Variants in SETDB1 observed in about 807,000 individuals in gnomAD.
SETDB1 encodes the protein histone-lysine N-methyltransferase SETDB1.
SETDB1 carries 31 observed loss-of-function variants against 137.4 expected under a neutral mutation model. The ratio of observed to expected loss-of-function variants is 0.23; its 90% confidence interval spans 0.17 to 0.30. The LOEUF (loss-of-function observed/expected upper bound fraction) is 0.30. Ranked by LOEUF, SETDB1 falls within the 10% of genes least tolerant of loss-of-function variation. The pLI, the probability that SETDB1 is intolerant of heterozygous loss-of-function variation, is 1.00. For synonymous variants in SETDB1, 548 were observed against 579.9 expected (o/e 0.95, Z 0.79); for missense variants, 1,113 against 1,631.5 (o/e 0.68, Z 5.47).
At position 150,962,811 on chromosome 1, in the gene SETDB1, TCTC is replaced by T. The variant is rs368961642; in HGVS notation, c.3294+95_3294+97del. 2.8e-5 allele frequency: 42 copies of T among 1,482,348 alleles called. No homozygotes were observed. The African/African-American group carries it at 3.2e-4, about 11-fold the overall frequency. 91.8% of individuals were successfully genotyped at this position (1,482,348 alleles called of 1,614,324 possible). On this transcript the variant is annotated intron_variant, in intron 18 of 21. Transcript: ENST00000692827. ...CTTCACTATAATTACTGTTAGGTCT[TCTC>T]CTACTTCTTTAGCCTTGACTTCCTG...
chr1:150,960,481 A>G (rs1670785782), intron 15 of SETDB1, 82 bp from the exon 16 acceptor site: 4 of 1,143,316 alleles, frequency 3.5e-6, no homozygotes, highest in South Asian at 1.6e-5. Context: ...CATCTGGAAA[A>G]AAAAAAAAAA....
Position 150,951,348 on chromosome 1 carries a change from T to C in SETDB1, c.2217-17T>C, listed in dbSNP as rs1302488870. 1.9e-6 allele frequency: 3 copies of C among 1,545,674 alleles called. No individual in the cohort carries two copies. The highest frequency in any genetic ancestry group is 1.7e-5 in the Admixed American group (1 of 59,652). ...TGATCCCCCCGCTCCTTTCCTTTAT[T>C]TCCCTCTGTCATATAGGTCCAAGTG... On this transcript the variant is annotated splice_polypyrimidine_tract_variant and intron_variant, in intron 13 of 21. Transcript: ENST00000692827.
At chr1:150,944,498 T>C (rs1441937447) in intron 8 of SETDB1, among the ~76,000 whole-genome samples, 1 of 152,212 alleles carries the variant, frequency 6.6e-6, no homozygotes, top group African/African-American at 2.4e-5. Context: ...TGTTTACACA[T>C]AACATGACAG....
chr1:150,962,904 G>T lies in SETDB1; in HGVS notation c.3295-70G>T. ...CACCGCCCTTTCCTGCCAAACCGTGGGTAACAGCAAGGACTTAAAGGAGCC... is the reference window on the plus strand; with the variant it reads ...CACCGCCCTTTCCTGCCAAACCGTGTGTAACAGCAAGGACTTAAAGGAGCC... On this transcript the variant is annotated intron_variant, in intron 18 of 21. Coordinates refer to ENST00000692827, the MANE Select transcript of SETDB1 (RefSeq NM_001366418.1). 1.9e-6 allele frequency: 3 copies of T among 1,559,104 alleles called. No homozygotes were observed. In the South Asian group the frequency reaches 3.5e-5, roughly 18 times the overall value.
intron 2 of SETDB1, among the ~76,000 whole-genome samples, chr1:150,928,721 T>C (rs1235075788): frequency 6.6e-6 from 1 of 152,194 alleles, no homozygotes; most frequent in Non-Finnish European, 1.5e-5. Context: ...ATTAGGTATA[T>C]CTCCTAATAC....
chr1:150,950,131 C>A (rs1009849679), intron 12 of SETDB1, among the ~76,000 whole-genome samples: 2 of 150,994 alleles, frequency 1.3e-5, no homozygotes, highest in Non-Finnish European at 3.0e-5. Context: ...CTACTCAGGA[C>A]GCTGAGGCAG....
rs1473238541 is a variant in SETDB1 at position 150,947,030 on chromosome 1, C to T, written c.1267+18C>T. ...AAATATGGGTATGTCCTGAAAGATTCCTGGAGGAAGGAAGAAACAGGCCAA... is the reference window on the plus strand; with the variant it reads ...AAATATGGGTATGTCCTGAAAGATTTCTGGAGGAAGGAAGAAACAGGCCAA... On this transcript the variant is annotated intron_variant, in intron 10 of 21. Coordinates refer to ENST00000692827, the MANE Select transcript of SETDB1 (RefSeq NM_001366418.1). The T allele has an allele frequency of 6.2e-7, 1 of 1,613,052 alleles. No individual in the cohort carries two copies. Among genetic ancestry groups the T allele is most frequent in the South Asian group, 1.1e-5 (1 of 91,020 alleles).
intron 3 of SETDB1, among the ~76,000 whole-genome samples, chr1:150,938,219 C>CAAAAAAAA (rs35172878): frequency 7.1e-6 from 1 of 141,582 alleles, no homozygotes. Context: ...GATTCCATCT[C>CAAAAAAAA]AAAAAAAAAA....
At position 150,949,153 on chromosome 1, in the gene SETDB1, G is replaced by A. The variant is rs1300903899; in HGVS notation, c.1299G>A (p.Gln433=). 1 of 1,614,004 alleles carries A rather than the reference G, an allele frequency of 6.2e-7. No homozygotes were observed. Among genetic ancestry groups the A allele is most frequent in the East Asian group, 2.2e-5 (1 of 44,882 alleles). Residue 433 remains glutamine, a synonymous_variant, in exon 11 of 22, where the codon CAG becomes CAA. Transcript: ENST00000692827. ...GAVRSKGPVV[Q]YTQDLTGTGT... The stretch of plus-strand genomic sequence containing the variant: ...TGAGGAGCAAAGGCCCTGTTGTCCA[G>A]TACACACAGGATCTGACCGGTACTG...
chr1:150,930,151 G>A (rs769581572), intron 3 of SETDB1, 33 bp downstream of exon 3: 1 of 1,575,762 alleles, frequency 6.3e-7, no homozygotes, highest in Non-Finnish European at 8.7e-7. Context: ...GAGAGTCTCA[G>A]GACTGAAGTT....
At chr1:150,963,256 C>A in intron 19 of SETDB1, 117 bp downstream of exon 19, 1 of 967,082 alleles carries the variant, frequency 1.0e-6, no homozygotes, top group Non-Finnish European at 1.6e-6. Flanking sequence ...AGAATTGGAG[C>A]ATCTCTGGGA....
Position 150,942,973 on chromosome 1 carries a change from C to T in SETDB1, c.795C>T (p.Val265=). 3 of 1,613,802 alleles carry T rather than the reference C, an allele frequency of 1.9e-6. No homozygotes were observed. Among genetic ancestry groups the T allele is most frequent in the Admixed American group, 1.7e-5 (1 of 59,978 alleles). Residue 265 remains valine (V), a synonymous_variant, in exon 7 of 22, where the codon GTC becomes GTT. Transcript: ENST00000692827. Reference sequence around the variant, plus strand: ...AGCTGTATGTGGGCAGTCGGGTGGTCGCCAAATACAAAGATGGGAATCAGG... The same window carrying T: ...AGCTGTATGTGGGCAGTCGGGTGGTTGCCAAATACAAAGATGGGAATCAGG... The part of the protein sequence containing the change: ...ADKLYVGSRV[V]AKYKDGNQVW...
At chr1:150,956,835 C>A (rs769201300) in intron 14 of SETDB1, among the ~76,000 whole-genome samples, 5 of 151,622 alleles carry the variant, frequency 3.3e-5, no homozygotes, top group Non-Finnish European at 7.4e-5. Context: ...GAAAAAAAAG[C>A]TAGACATGGT....
chr1:150,954,134 G>A (rs587743654), intron 14 of SETDB1, among the ~76,000 whole-genome samples: 2 of 152,260 alleles, frequency 1.3e-5, no homozygotes, highest in South Asian at 2.1e-4. Flanking sequence ...GATTACAGGC[G>A]TGAGCCACCG....
chr1:150,950,429 C>A (rs748663715), intron 12 of SETDB1, 29 bp from the exon 13 acceptor site: 1 of 1,534,794 alleles, frequency 6.5e-7, no homozygotes, highest in South Asian at 1.3e-5. Flanking sequence ...TGTTGCCTTC[C>A]GATCTGATCA....
chr1:150,951,253 G>T, intron 13 of SETDB1, 112 bp from the exon 14 acceptor site: 2 of 1,116,566 alleles, frequency 1.8e-6, no homozygotes, highest in Non-Finnish European at 2.7e-6. Context: ...TATGAGGTAG[G>T]GAGGCTGGAG....
At chr1:150,926,611 C>A (rs1669525435) in intron 1 of SETDB1, 94 bp downstream of exon 1, 1 of 422,106 alleles carries the variant, frequency 2.4e-6, no homozygotes, top group Admixed American at 3.3e-5. Flanking sequence ...GGAAGGAAGT[C>A]TTCCCCAGAG....
At chr1:150,935,904 T>TA (rs1669931906) in intron 3 of SETDB1, among the ~76,000 whole-genome samples, 1 of 152,224 alleles carries the variant, frequency 6.6e-6, no homozygotes, top group Admixed American at 6.5e-5. Flanking sequence ...GCATGTCTCT[T>TA]ATCTTTTTGT....
intron 3 of SETDB1, among the ~76,000 whole-genome samples, chr1:150,937,875 C>T (rs1283875013): frequency 6.6e-6 from 1 of 151,834 alleles, no homozygotes; most frequent in Non-Finnish European, 1.5e-5. Context: ...ATGGATAAAC[C>T]AAATGTGGTA....
Sources: gnomAD v4.1 joint callset for allele counts (sites outside exome capture counted in the v4.1 genomes callset) on GRCh38, gnomAD v4.1.1 for gene constraint, MANE v1.5 for transcripts, NCBI Gene and HGNC (gene_info 2026-07-23, HGNC 2026-07-21) for gene names.